Variants in MINDY4 observed in about 807,000 individuals in gnomAD.
MINDY4 encodes the protein MINDY lysine 48 deubiquitinase 4, also known as probable ubiquitin carboxyl-terminal hydrolase MINDY-4.
MINDY4 carries 68 observed loss-of-function variants against 87.0 expected under a neutral mutation model. That is an observed-to-expected ratio of 0.78 (90% CI 0.64 to 0.96). MINDY4 has a LOEUF of 0.96. MINDY4 is among the 40% of genes least tolerant of loss of function. The pLI, the probability that MINDY4 is intolerant of heterozygous loss-of-function variation, is 0.00. For missense variants in MINDY4, 919 were observed against 928.2 expected (o/e 0.99, Z 0.13); for synonymous variants, 379 against 363.2 (o/e 1.04, Z -0.50).
intron 1 of MINDY4, 105 bp from the exon 2 acceptor site, chr7:30,778,327 A>G (rs1786890188): frequency 2.1e-6 from 3 of 1,418,200 alleles, no homozygotes; most frequent in Non-Finnish European, 9.9e-7. Context: ...TAAAGGTTAT[A>G]TGAGAATTAT....
chr7:30,829,210 G>A (rs1263180985), intron 6 of MINDY4, among the ~76,000 whole-genome samples: 3 of 152,198 alleles, frequency 2.0e-5, no homozygotes, highest in African/African-American at 7.2e-5. Context: ...CTTCACTTCT[G>A]TGTACATCTG....
At chr7:30,797,610 G>A (rs1000794150) in intron 5 of MINDY4, among the ~76,000 whole-genome samples, 2 of 152,228 alleles carry the variant, frequency 1.3e-5, no homozygotes, top group Admixed American at 1.3e-4. Context: ...GCTTGGTCAT[G>A]TGGGGCCTGG....
chr7:30,855,262 G>A (rs1353027568), intron 12 of MINDY4, among the ~76,000 whole-genome samples: 3 of 152,238 alleles, frequency 2.0e-5, no homozygotes, highest in Non-Finnish European at 4.4e-5. Context: ...ATCTAAGGGT[G>A]GTCCTCAAAG....
At chr7:30,806,584 C>T (rs1787811343) in intron 5 of MINDY4, among the ~76,000 whole-genome samples, 1 of 152,136 alleles carries the variant, frequency 6.6e-6, no homozygotes, top group Non-Finnish European at 1.5e-5. Flanking sequence ...TTGTGATGGT[C>T]AAAAGAGAAA....
intron 15 of MINDY4, among the ~76,000 whole-genome samples, chr7:30,881,859 G>A (rs535307077): frequency 1.3e-5 from 2 of 152,230 alleles, no homozygotes; most frequent in East Asian, 1.9e-4. Flanking sequence ...AGGAGGAAAG[G>A]CTGGCAGTGG....
chr7:30,806,189 T>G (rs2128556887), intron 5 of MINDY4, among the ~76,000 whole-genome samples: 2 of 152,318 alleles, frequency 1.3e-5, no homozygotes, highest in South Asian at 4.1e-4. Flanking sequence ...AACATTGCAT[T>G]GTATTGTATT....
At chr7:30,771,621 C>A in intron 1 of MINDY4, 65 bp downstream of exon 1, 1 of 1,512,132 alleles carries the variant, frequency 6.6e-7, no homozygotes, top group South Asian at 1.2e-5. Context: ...TCGGGGTCTC[C>A]CCTGAAGGCT....
intron 5 of MINDY4, among the ~76,000 whole-genome samples, chr7:30,794,143 G>C (rs1375930792): frequency 6.6e-6 from 1 of 152,110 alleles, no homozygotes; most frequent in Non-Finnish European, 1.5e-5. Flanking sequence ...CTCTTGATTT[G>C]AAACCAGGGC....
At position 30,791,408 on chromosome 7, in the gene MINDY4, A is replaced by G. The variant is rs367583446; in HGVS notation, c.907A>G (p.Arg303Gly). Residue 303 changes from arginine to glycine, a missense_variant, in exon 5 of 18, where the codon AGG becomes GGG. Coordinates refer to ENST00000265299, the MANE Select transcript of MINDY4 (RefSeq NM_032222.3). ...CAGCAAACGGCTGCCCCCATGGGAC[A>G]GGGCCAGGCCGAGGGATCCCTCCGA... ...LPSKRLPPWD[R>G]ARPRDPSEDT... The G allele has an allele frequency of 1.9e-6, 3 of 1,614,166 alleles. No individual in the cohort carries two copies. Among genetic ancestry groups the G allele is most frequent in the Non-Finnish European group, 2.5e-6 (3 of 1,180,018 alleles).
chr7:30,786,872 G>A (rs1377521229), intron 4 of MINDY4, among the ~76,000 whole-genome samples: 2 of 152,164 alleles, frequency 1.3e-5, no homozygotes, highest in Admixed American at 1.3e-4. Flanking sequence ...TGTAAAAGAA[G>A]TTTGTAAAAC....
At chr7:30,826,687 C>T (rs745928828) in intron 5 of MINDY4, among the ~76,000 whole-genome samples, 6 of 152,144 alleles carry the variant, frequency 3.9e-5, no homozygotes, top group Non-Finnish European at 8.8e-5. Context: ...TTGGAGTTAT[C>T]GCCTGGGTTT....
chr7:30,884,267 G>A (rs549983661), intron 17 of MINDY4, among the ~76,000 whole-genome samples: 1 of 152,268 alleles, frequency 6.6e-6, no homozygotes, highest in East Asian at 1.9e-4. Flanking sequence ...GGAGCGCCGA[G>A]ACATCCTCGA....
chr7:30,774,358 A>T (rs1048495364), intron 1 of MINDY4, among the ~76,000 whole-genome samples: 1 of 151,938 alleles, frequency 6.6e-6, no homozygotes, highest in Non-Finnish European at 1.5e-5. Context: ...CCACCCCTCC[A>T]TGTGTGCATG....
chr7:30,877,192 C>A (rs1024938901), intron 15 of MINDY4, among the ~76,000 whole-genome samples: 77 of 152,258 alleles, frequency 5.1e-4, no homozygotes, highest in African/African-American at 1.8e-3. Context: ...TGGGTGTGCT[C>A]TGAAAGTATT....
At chr7:30,887,583 G>T (rs1203926860) in intron 17 of MINDY4, among the ~76,000 whole-genome samples, 1 of 152,370 alleles carries the variant, frequency 6.6e-6, no homozygotes, top group Non-Finnish European at 1.5e-5. Flanking sequence ...GCGTGAGCCA[G>T]CGAGGACCAT....
rs897401191 is a variant in MINDY4 at position 30,873,206 on chromosome 7, C to T, written c.1809+900C>T. ...CCCACCACCCTAGAGGAAGGCCTCA[C>T]GGGGAGTGGCTACTCTTCTGGCTGC... On this transcript the variant is annotated intron_variant, in intron 14 of 17. Transcript: ENST00000265299. Among the ~76,000 whole-genome samples, 9 of 152,186 alleles carry T rather than the reference C, an allele frequency of 5.9e-5. No individual in the cohort carries two copies. The East Asian group carries it at 9.6e-4, about 16-fold the overall frequency.
chr7:30,812,859 G>T (rs1054886772), intron 5 of MINDY4, among the ~76,000 whole-genome samples: 2 of 152,102 alleles, frequency 1.3e-5, no homozygotes, highest in Admixed American at 6.5e-5. Context: ...CACCCCCATC[G>T]TGAGGCTCAA....
rs146948753 is a variant in MINDY4, at chr7:30,802,406, T to C, written c.1073+10832T>C. 5.6e-3 allele frequency among the ~76,000 whole-genome samples: 847 copies of C among 152,264 alleles called. 12 individuals carry two copies. The highest frequency in any genetic ancestry group is 0.019 in the African/African-American group (796 of 41,560). On this transcript the variant is annotated intron_variant, in intron 5 of 17. Coordinates refer to ENST00000265299, the MANE Select transcript of MINDY4 (RefSeq NM_032222.3). Reference sequence around the variant, plus strand: ...TAATCCTATCCTGGTTAGCAGAGTTTGGCTGCTTTCTTTTGTTCCTTCAGT... The same window carrying C: ...TAATCCTATCCTGGTTAGCAGAGTTCGGCTGCTTTCTTTTGTTCCTTCAGT...
At chr7:30,843,215 G>T (rs527931932) in intron 9 of MINDY4, among the ~76,000 whole-genome samples, 9 of 152,250 alleles carry the variant, frequency 5.9e-5, no homozygotes, top group Admixed American at 1.3e-4. Flanking sequence ...CAAACAGGGA[G>T]GGGAGGCAGA....
Sources: allele counts gnomAD v4.1 joint callset (sites outside exome capture counted in the v4.1 genomes callset), GRCh38; gene constraint gnomAD v4.1.1; transcripts MANE v1.5; gene names NCBI Gene and HGNC (gene_info 2026-07-23, HGNC 2026-07-21).